Variants in KCND3 observed in about 807,000 individuals in gnomAD.
KCND3 encodes the protein potassium voltage-gated channel subfamily D member 3, also known as A-type voltage-gated potassium channel KCND3.
In KCND3, 9 loss-of-function variants were observed where a neutral mutation model predicts 51.1. That is an observed-to-expected ratio of 0.18 (90% confidence interval 0.11 to 0.31). KCND3 has a LOEUF of 0.31. Among genes scored for constraint, KCND3 ranks in the 10% least tolerant of loss-of-function variants. The pLI is 1.00. For synonymous variants in KCND3, 349 were observed against 368.0 expected (o/e 0.95, Z 0.59); for missense variants, 526 against 903.8 (o/e 0.58, Z 5.36).
Position 111,781,222 on chromosome 1 carries a change from A to G in KCND3, c.1270-431T>C, listed in dbSNP as rs145599452. ...TCCAGTACAATTTTCTGCATATAGT[A>G]GGTCCCCAAGTATTAGTTAATTATG... is the stretch of plus-strand genomic sequence containing the variant. On this transcript the variant is annotated intron_variant, in intron 3 of 7. Coordinates refer to ENST00000302127, the MANE Select transcript of KCND3 (RefSeq NM_001378969.1). 1.2e-3 allele frequency among the ~76,000 whole-genome samples: 179 copies of G among 152,348 alleles called. 2 individuals carry two copies. In the East Asian group the frequency reaches 0.031, roughly 26 times the overall value.
At chr1:111,915,194 G>A (rs1671136989) in intron 2 of KCND3, among the ~76,000 whole-genome samples, 1 of 151,928 alleles carries the variant, frequency 6.6e-6, no homozygotes, top group African/African-American at 2.4e-5. Flanking sequence ...AAGGCAGAGA[G>A]GAAAACATAA....
At chr1:111,843,069 G>A (rs1667398207) in intron 2 of KCND3, among the ~76,000 whole-genome samples, 1 of 152,192 alleles carries the variant, frequency 6.6e-6, no homozygotes, top group Non-Finnish European at 1.5e-5. Flanking sequence ...GGGAGCTTCT[G>A]CATTGCTTTC....
At chr1:111,827,122 C>A (rs1193600756) in intron 2 of KCND3, among the ~76,000 whole-genome samples, 1 of 152,212 alleles carries the variant, frequency 6.6e-6, no homozygotes, top group Admixed American at 6.5e-5. Context: ...ATGATTATTT[C>A]CAGTTTTTGG....
At chr1:111,848,759 G>A (rs1667677659) in intron 2 of KCND3, among the ~76,000 whole-genome samples, 1 of 152,194 alleles carries the variant, frequency 6.6e-6, no homozygotes, top group Non-Finnish European at 1.5e-5. Flanking sequence ...ATTCTTGCCT[G>A]TAGGATGTGG....
At position 111,982,313 on chromosome 1, in the gene KCND3, G is replaced by A. The variant is rs776080590; in HGVS notation, c.414C>T (p.Asp138=). The change falls in exon 2 of 8, where the codon GAC becomes GAT. Residue 138 remains aspartate, a synonymous_variant. Transcript: ENST00000302127. The surrounding 1 kb of genome is among the most constrained non-coding windows in gnomAD (Gnocchi z 8.5). ...GCCGCTCGGCGTTCTCCCTCTTGCG[G>A]TCCTTGTACTCCTCGTAGCAGCAGT... ...IGDCCYEEYK[D]RKRENAERLM... is the part of the protein sequence containing the mutation. 1 of 1,614,124 alleles carries A rather than the reference G, an allele frequency of 6.2e-7. No homozygotes were observed. The highest frequency in any genetic ancestry group is 1.1e-5 in the South Asian group (1 of 91,072).
intron 2 of KCND3, among the ~76,000 whole-genome samples, chr1:111,921,859 C>T (rs1016459931): frequency 1.3e-5 from 2 of 152,106 alleles, no homozygotes; most frequent in African/African-American, 4.8e-5. Context: ...TTTTCTAAAA[C>T]TGTTAGGAAG....
chr1:111,926,904 C>T (rs905066239), intron 2 of KCND3, among the ~76,000 whole-genome samples: 1 of 152,252 alleles, frequency 6.6e-6, no homozygotes, highest in Non-Finnish European at 1.5e-5. Context: ...CTGGTCTCTT[C>T]CCCTTCTGTC....
At chr1:111,826,677 G>C (rs761473632) in intron 2 of KCND3, among the ~76,000 whole-genome samples, 1 of 152,224 alleles carries the variant, frequency 6.6e-6, no homozygotes, top group Non-Finnish European at 1.5e-5. Context: ...TAAGGCTGAA[G>C]AGTTCATTCA....
chr1:111,938,725 G>T (rs766694087), intron 2 of KCND3, among the ~76,000 whole-genome samples: 5 of 152,210 alleles, frequency 3.3e-5, no homozygotes. Context: ...CTAAAGAGAA[G>T]AACAGCAGGG....
At chr1:111,974,193 A>T (rs2920581) in intron 2 of KCND3, among the ~76,000 whole-genome samples, 2 of 152,108 alleles carry the variant, frequency 1.3e-5, no homozygotes, top group Non-Finnish European at 2.9e-5. Context: ...GGCTGGACAG[A>T]GGCTGGAGTC....
At chr1:111,943,941 G>A (rs1057253103) in intron 2 of KCND3, among the ~76,000 whole-genome samples, 1 of 152,170 alleles carries the variant, frequency 6.6e-6, no homozygotes, top group Non-Finnish European at 1.5e-5. Context: ...AGCCGGGGCC[G>A]CACACTGATT....
At chr1:111,825,844 T>C (rs1007444873) in intron 2 of KCND3, among the ~76,000 whole-genome samples, 1 of 152,210 alleles carries the variant, frequency 6.6e-6, no homozygotes, top group African/African-American at 2.4e-5. Context: ...TATACAAATA[T>C]TATTAATAAC....
At chr1:111,927,347 C>T (rs145040009) in intron 2 of KCND3, among the ~76,000 whole-genome samples, 41 of 152,366 alleles carry the variant, frequency 2.7e-4, no homozygotes, top group African/African-American at 9.4e-4. Flanking sequence ...TCAGTGTTCA[C>T]ACCCATAGGT....
intron 6 of KCND3, 82 bp downstream of exon 6, chr1:111,778,354 G>T: frequency 7.6e-7 from 1 of 1,314,756 alleles, no homozygotes; most frequent in Non-Finnish European, 1.1e-6. Context: ...ACAGAACCAG[G>T]CCGGGGGGTA....
intron 2 of KCND3, among the ~76,000 whole-genome samples, chr1:111,849,991 C>T (rs902357757): frequency 5.3e-5 from 8 of 152,158 alleles, no homozygotes; most frequent in African/African-American, 1.4e-4. Flanking sequence ...ATTCAGCTCT[C>T]GACTTTCTGA....
intron 2 of KCND3, among the ~76,000 whole-genome samples, chr1:111,934,309 C>T (rs1317640342): frequency 1.3e-5 from 2 of 152,204 alleles, no homozygotes; most frequent in African/African-American, 4.8e-5. Context: ...CATGACAAGA[C>T]ATCTGAGTCA....
Position 111,971,866 on chromosome 1 carries a change from C to T in KCND3, c.1106+9755G>A, listed in dbSNP as rs934422299. Among the ~76,000 whole-genome samples the T allele has an allele frequency of 5.3e-5, 8 of 152,172 alleles. No individual in the cohort carries two copies. In the South Asian group the frequency reaches 8.3e-4, roughly 16 times the overall value. On this transcript the variant is annotated intron_variant, in intron 2 of 7. Coordinates refer to ENST00000302127, the MANE Select transcript of KCND3 (RefSeq NM_001378969.1). The stretch of plus-strand genomic sequence containing the variant: ...TCCAGAGTTCTTTTGACTTCTCTTC[C>T]GGGGTGTCATTCCATTCCAGTCCTT...
At chr1:111,934,464 C>T (rs967770542) in intron 2 of KCND3, among the ~76,000 whole-genome samples, 1 of 152,232 alleles carries the variant, frequency 6.6e-6, no homozygotes, top group African/African-American at 2.4e-5. Context: ...CAGCAAGCAC[C>T]TCAGCCCCAG....
intron 2 of KCND3, chr1:111,853,716 G>C (rs145522534): frequency 6.6e-6 from 1 of 152,240 alleles, no homozygotes; most frequent in African/African-American, 2.4e-5. Context: ...CATCTGCTTT[G>C]TTCACTGCTG....
Sources: allele counts gnomAD v4.1 joint callset (sites outside exome capture counted in the v4.1 genomes callset), GRCh38; gene constraint gnomAD v4.1.1; non-coding constraint Gnocchi (gnomAD v3.1); transcripts MANE v1.5; gene names NCBI Gene and HGNC (gene_info 2026-07-23, HGNC 2026-07-21).